Variants in TTC3 observed in about 807,000 individuals in gnomAD.
TTC3 encodes the protein E3 ubiquitin-protein ligase TTC3.
A neutral mutation model predicts 249.6 loss-of-function variants in TTC3; 180 were observed. That is an observed-to-expected ratio of 0.72 (90% CI 0.64 to 0.82). TTC3 has a LOEUF of 0.82. TTC3 is among the 40% of genes least tolerant of loss of function. The pLI is 0.00. For synonymous variants in TTC3, 717 were observed against 805.0 expected (o/e 0.89, Z 1.85); for missense variants, 2,061 against 2,398.4 (o/e 0.86, Z 2.94).
At chr21:37,128,202 G>A (rs1441686033) in intron 15 of TTC3, among the ~76,000 whole-genome samples, 2 of 152,106 alleles carry the variant, frequency 1.3e-5, no homozygotes, top group Non-Finnish European at 2.9e-5. Flanking sequence ...TTGTGTCTGT[G>A]CCCTCCCCTT....
intron 11 of TTC3, among the ~76,000 whole-genome samples, chr21:37,119,321 C>T (rs372730974): frequency 6.6e-6 from 1 of 152,146 alleles, no homozygotes; most frequent in East Asian, 1.9e-4. Flanking sequence ...GAGAATTCAC[C>T]CCATGAATTA....
In TTC3 at chr21:37,130,920, G is replaced by T. The variant is rs570832139; in HGVS notation, c.1359-1762G>T. On this transcript the variant is annotated intron_variant, in intron 16 of 45. Coordinates refer to ENST00000355666, the Ensembl canonical transcript of TTC3. ...TAAATAATGTATAGAAGTTGTTTCTGTAGTGGGATTGCTGTATCAAAGGGG... is the reference window on the plus strand; with the variant it reads ...TAAATAATGTATAGAAGTTGTTTCTTTAGTGGGATTGCTGTATCAAAGGGG... 3.3e-5 allele frequency among the ~76,000 whole-genome samples: 5 copies of T among 152,262 alleles called. No individual in the cohort carries two copies. The South Asian group carries it at 1.0e-3, about 32-fold the overall frequency.
At chr21:37,083,207 T>A in intron 1 of TTC3, 6 of 985,282 alleles carry the variant, frequency 6.1e-6, no homozygotes, top group Non-Finnish European at 7.2e-6. Flanking sequence ...GCAGAATAAG[T>A]TTTGTTTAGG....
At chr21:37,097,765 TGAAG>T in intron 10 of TTC3, 1 of 515,726 alleles carries the variant, frequency 1.9e-6, no homozygotes, top group Non-Finnish European at 3.5e-6. Flanking sequence ...ACTTTTTTTG[TGAAG>T]TTTTCTCATG....
chr21:37,089,765 C>T (rs751324245), intron 5 of TTC3, among the ~76,000 whole-genome samples: 54 of 152,084 alleles, frequency 3.6e-4, no homozygotes, highest in Non-Finnish European at 6.9e-4. Flanking sequence ...CCACCCGCCT[C>T]GGCCTCTCAA....
exon 4 of TTC3, chr21:37,088,311 C>G (rs773181052): frequency 4.3e-6 from 7 of 1,612,954 alleles, no homozygotes; most frequent in Non-Finnish European, 5.9e-6. Context: ...AAAACAGTTC[C>G]GTAATATCAC....
intron 21 of TTC3, among the ~76,000 whole-genome samples, chr21:37,146,020 A>G (rs2078953826): frequency 6.6e-6 from 1 of 152,240 alleles, no homozygotes; most frequent in African/African-American, 2.4e-5. Context: ...TTTCACTCCT[A>G]GGTGTGTACA....
chr21:37,171,363 A>G (rs2081768129), intron 34 of TTC3, among the ~76,000 whole-genome samples: 2 of 152,254 alleles, frequency 1.3e-5, no homozygotes, highest in African/African-American at 4.8e-5. Context: ...TTGCATTTGA[A>G]TCCCAGCATT....
intron 20 of TTC3, among the ~76,000 whole-genome samples, chr21:37,143,082 T>A (rs2078644640): frequency 6.6e-6 from 1 of 152,186 alleles, no homozygotes; most frequent in African/African-American, 2.4e-5. Context: ...TTGCACCTTG[T>A]ACAAAAATTA....
chr21:37,121,286 CGG>C (rs2076562669), intron 11 of TTC3: 2 of 152,212 alleles, frequency 1.3e-5, no homozygotes, highest in African/African-American at 4.8e-5. Context: ...GAAGGGGAGA[CGG>C]CTGGATGGAA....
intron 20 of TTC3, among the ~76,000 whole-genome samples, chr21:37,142,551 A>C (rs893004476): frequency 5.3e-5 from 8 of 152,194 alleles, no homozygotes; most frequent in African/African-American, 1.9e-4. Flanking sequence ...GATGTGAAGG[A>C]CCTCTTCAGG....
At chr21:37,114,860 T>G (rs573993120) in intron 11 of TTC3, among the ~76,000 whole-genome samples, 47 of 152,016 alleles carry the variant, frequency 3.1e-4, no homozygotes, top group Middle Eastern at 3.4e-3. Context: ...CCATAAAAAA[T>G]GATGAGTTCA....
In TTC3 at chr21:37,123,775, G is replaced by A. The variant is rs897556007; in HGVS notation, c.1109+747G>A. Reference sequence around the variant, plus strand: ...TTTTTTTTAATTTTTTTGAGACGGAGTCTCACTCTGTCACCCAGGCTGGAG... The same window carrying A: ...TTTTTTTTAATTTTTTTGAGACGGAATCTCACTCTGTCACCCAGGCTGGAG... On this transcript the variant is annotated intron_variant, in intron 13 of 45. Transcript: ENST00000355666. Among the ~76,000 whole-genome samples, 51 of 151,316 alleles carry A rather than the reference G, an allele frequency of 3.4e-4. 1 individual carries two copies. Among genetic ancestry groups the A allele is most frequent in the African/African-American group, 1.2e-3 (49 of 41,146 alleles).
At chr21:37,192,301 G>A (rs2084245748) in intron 41 of TTC3, 88 bp downstream of exon 41, 1 of 836,482 alleles carries the variant, frequency 1.2e-6, no homozygotes, top group Non-Finnish European at 1.8e-6. Flanking sequence ...TTTCCTGGGA[G>A]TGAGGATGAG....
At chr21:37,125,760 T>A (rs2076994016) in intron 14 of TTC3, among the ~76,000 whole-genome samples, 1 of 152,130 alleles carries the variant, frequency 6.6e-6, no homozygotes, top group African/African-American at 2.4e-5. Context: ...ATAGTTTTAC[T>A]CTCAGGCTTG....
chr21:37,077,972 G>A (rs1161132259), intron 1 of TTC3, among the ~76,000 whole-genome samples: 3 of 151,938 alleles, frequency 2.0e-5, no homozygotes, highest in African/African-American at 4.8e-5. Flanking sequence ...TTAAAATGAT[G>A]TCTTCCACAT....
At chr21:37,109,633 G>T (rs1263191149) in intron 11 of TTC3, among the ~76,000 whole-genome samples, 2 of 152,218 alleles carry the variant, frequency 1.3e-5, no homozygotes, top group Admixed American at 6.5e-5. Flanking sequence ...CCACCTCTGG[G>T]GGCAGGGCAC....
exon 6 of TTC3, chr21:37,090,255 G>A (rs778024670): frequency 1.2e-6 from 2 of 1,606,910 alleles, no homozygotes; most frequent in Non-Finnish European, 1.7e-6. Flanking sequence ...CTTATTGGAG[G>A]CTTATTGAGA....
In TTC3 at chr21:37,087,457, T is replaced by C. The variant is rs1449778550; in HGVS notation, c.144+56T>C. 2.5e-6 allele frequency: 4 copies of C among 1,593,896 alleles called. No homozygotes were observed. In the African/African-American group the frequency reaches 5.4e-5, roughly 21 times the overall value. On this transcript the variant is annotated intron_variant, in intron 2 of 45. Transcript: ENST00000355666. The stretch of plus-strand genomic sequence containing the variant: ...ACATTGTGTATTGAAGGTTTTCTGG[T>C]TTAGGGCTATCTGAGTAAAGATGTT...
Sources: gnomAD v4.1 joint callset for allele counts (sites outside exome capture counted in the v4.1 genomes callset) on GRCh38, gnomAD v4.1.1 for gene constraint, MANE v1.5 for transcripts, NCBI Gene and HGNC (gene_info 2026-07-23, HGNC 2026-07-21) for gene names.